Variants in CSMD1 observed in about 807,000 individuals in gnomAD.
CSMD1 encodes the protein CUB and sushi domain-containing protein 1.
Under a neutral mutation model 417.5 loss-of-function variants are expected in CSMD1, and 213 were observed. That is an observed-to-expected ratio of 0.51 (90% CI 0.46 to 0.57). CSMD1 has a LOEUF of 0.57. CSMD1 is among the 20% of genes least tolerant of loss of function. The probability of loss-of-function intolerance (pLI) is 0.00; values close to 1 mark genes in which losing one functional copy is unlikely to be tolerated. For missense variants in CSMD1, 6,923 were observed against 4,529.7 expected, an observed-to-expected ratio of 1.53 and a Z score of -15.17; for synonymous variants, 2,862 against 1,736.8, an observed-to-expected ratio of 1.65 and a Z score of -16.11.
chr8:4,009,090 G>A (rs978038898), intron 4 of CSMD1, among the ~76,000 whole-genome samples: 1 of 152,110 alleles, frequency 6.6e-6, no homozygotes, highest in Non-Finnish European at 1.5e-5. Context: ...TGAAGAAAAT[G>A]TTGTGCAGTT....
intron 1 of CSMD1, among the ~76,000 whole-genome samples, chr8:4,800,652 T>G (rs9644283): frequency 2.6e-5 from 4 of 152,252 alleles, no homozygotes; most frequent in Admixed American, 6.5e-5. Flanking sequence ...CCCAGGGGGC[T>G]GTGGAGCCTC....
intron 6 of CSMD1, among the ~76,000 whole-genome samples, chr8:3,719,851 G>C (rs1802050118): frequency 6.6e-6 from 1 of 152,286 alleles, no homozygotes; most frequent in Non-Finnish European, 1.5e-5. Context: ...TTTGAAGTTA[G>C]TTGTAAGAAA....
chr8:3,125,343 G>A (rs972725030), intron 41 of CSMD1, among the ~76,000 whole-genome samples: 34 of 152,224 alleles, frequency 2.2e-4, no homozygotes, highest in African/African-American at 7.5e-4. Flanking sequence ...CGAAGGAGGC[G>A]TCAATCTGCT....
intron 3 of CSMD1, among the ~76,000 whole-genome samples, chr8:4,387,894 C>G (rs752260033): frequency 8.6e-5 from 13 of 151,842 alleles, no homozygotes; most frequent in Non-Finnish European, 1.6e-4. Context: ...TCGTATCTGC[C>G]AAGATTATAT....
rs749460952 is a variant in CSMD1 at position 3,708,426 on chromosome 8, T to C, written c.997A>G (p.Lys333Glu). The change falls in exon 7 of 70, where the codon AAA becomes GAA. Residue 333 changes from lysine to glutamate, a missense_variant. Transcript: ENST00000635120. The stretch of plus-strand genomic sequence containing the variant: ...GAAAGGGACTCACAGACAGAGTTTT[T>C]ATGGCTTCCATCCTTGCTGGGCAGC... ...KMLPSKDGSH[K>E]NSVLSQGGVA... is the part of the protein sequence containing the mutation. 3 of 1,613,790 alleles carry C rather than the reference T, an allele frequency of 1.9e-6. No individual in the cohort carries two copies. The highest frequency in any genetic ancestry group is 2.5e-6 in the Non-Finnish European group (3 of 1,179,826).
chr8:3,343,422 C>T lies in CSMD1; in HGVS notation c.3503G>A (p.Arg1168His), dbSNP rs372508197. The change falls in exon 23 of 70, where the codon CGT (arginine) becomes CAT (histidine). Residue 1168 changes from arginine (R) to histidine (H), a missense_variant. Coordinates refer to ENST00000635120, the MANE Select transcript of CSMD1 (RefSeq NM_033225.6). ...ATTTTTAGTGAACGTGCCCAGTGGA[C>T]GTGAGGAACTGTCTTTTCCATCATA... ...KVYDGKDSSS[R>H]PLGTFTKNEL... is the part of the protein sequence containing the mutation. 2.2e-5 allele frequency: 35 copies of T among 1,613,536 alleles called. No homozygotes were observed. Among genetic ancestry groups the T allele is most frequent in the African/African-American group, 9.3e-5 (7 of 74,874 alleles).
In CSMD1 at chr8:3,159,875, T is replaced by C. The variant is rs959496692; in HGVS notation, c.5845-1909A>G. On this transcript the variant is annotated intron_variant, in intron 38 of 69. Coordinates refer to ENST00000635120, the MANE Select transcript of CSMD1 (RefSeq NM_033225.6). ...CTATTTTCTTCTCTGAGAGCTGTCA[T>C]AATATCATTTATAAAAGAACGGCAA... Among the ~76,000 whole-genome samples the C allele has an allele frequency of 3.3e-5, 5 of 152,324 alleles. No homozygotes were observed. In the East Asian group the frequency reaches 7.7e-4, roughly 24 times the overall value.
At chr8:3,150,096 G>T (rs764786405) in intron 40 of CSMD1, among the ~76,000 whole-genome samples, 1 of 152,190 alleles carries the variant, frequency 6.6e-6, no homozygotes, top group Non-Finnish European at 1.5e-5. Flanking sequence ...AAGCAACGTT[G>T]CTGAAGGTGA....
chr8:4,410,621 C>G (rs984160725), intron 3 of CSMD1, among the ~76,000 whole-genome samples: 11 of 151,708 alleles, frequency 7.3e-5, no homozygotes, highest in African/African-American at 2.2e-4. Context: ...TATGTATTAC[C>G]AAATGTAATG....
intron 26 of CSMD1, among the ~76,000 whole-genome samples, chr8:3,262,727 C>T (rs1020015978): frequency 6.6e-6 from 1 of 151,974 alleles, no homozygotes; most frequent in Non-Finnish European, 1.5e-5. Flanking sequence ...TGTAATGTCT[C>T]ATAGTGGAAA....
chr8:4,310,214 G>A (rs955846838), intron 3 of CSMD1, among the ~76,000 whole-genome samples: 1 of 152,114 alleles, frequency 6.6e-6, no homozygotes, highest in Non-Finnish European at 1.5e-5. Flanking sequence ...ATCTAGTGGA[G>A]GATTCAGGAA....
intron 3 of CSMD1, among the ~76,000 whole-genome samples, chr8:4,364,023 C>A (rs1199676822): frequency 6.6e-6 from 1 of 152,062 alleles, no homozygotes; most frequent in Non-Finnish European, 1.5e-5. Context: ...TTTAATTGTA[C>A]TTATTTCAAT....
At chr8:3,416,168 G>C (rs10101236) in intron 12 of CSMD1, among the ~76,000 whole-genome samples, 1 of 39,674 alleles carries the variant, frequency 2.5e-5, no homozygotes, top group Non-Finnish European at 6.7e-5. Context: ...GGGCGTGTTG[G>C]GGGGCGCCTG....
At chr8:3,394,720 T>A (rs1161555935) in intron 17 of CSMD1, among the ~76,000 whole-genome samples, 1 of 152,184 alleles carries the variant, frequency 6.6e-6, no homozygotes, top group Non-Finnish European at 1.5e-5. Context: ...CACATATTGT[T>A]ACTTCAAAGA....
intron 26 of CSMD1, among the ~76,000 whole-genome samples, chr8:3,279,332 G>C (rs577658624): frequency 6.6e-6 from 1 of 152,314 alleles, no homozygotes; most frequent in African/African-American, 2.4e-5. Context: ...ATTGGCAGCA[G>C]ATTTTAAAAA....
chr8:4,305,604 C>T (rs1798202164), intron 3 of CSMD1, among the ~76,000 whole-genome samples: 1 of 152,180 alleles, frequency 6.6e-6, no homozygotes. Context: ...CCTTTCAATA[C>T]AGAATCCACG....
chr8:3,627,955 A>G (rs1372923959), intron 7 of CSMD1, among the ~76,000 whole-genome samples: 1 of 152,218 alleles, frequency 6.6e-6, no homozygotes, highest in African/African-American at 2.4e-5. Flanking sequence ...AATGAGAAGT[A>G]CTTCACACTT....
intron 2 of CSMD1, among the ~76,000 whole-genome samples, chr8:4,613,273 G>A (rs1445902180): frequency 6.6e-6 from 1 of 152,158 alleles, no homozygotes; most frequent in Non-Finnish European, 1.5e-5. Flanking sequence ...ATGAGCCAAG[G>A]CACGCCATCC....
At chr8:4,304,778 A>G (rs1328425975) in intron 3 of CSMD1, among the ~76,000 whole-genome samples, 1 of 152,226 alleles carries the variant, frequency 6.6e-6, no homozygotes, top group African/African-American at 2.4e-5. Context: ...ACAATAAATT[A>G]GTAACTTCAT....
Sources: allele counts gnomAD v4.1 joint callset (sites outside exome capture counted in the v4.1 genomes callset), GRCh38; gene constraint gnomAD v4.1.1; transcripts MANE v1.5; gene names NCBI Gene and HGNC (gene_info 2026-07-23, HGNC 2026-07-21).